ANO6: variants seen among roughly 807,000 people sequenced by gnomAD.
The protein encoded by ANO6 is anoctamin 6.
ANO6 carries 106 observed loss-of-function variants against 117.5 expected under a neutral mutation model. That is an observed-to-expected ratio of 0.90 (90% CI 0.77 to 1.06). The LOEUF (loss-of-function observed/expected upper bound fraction) is 1.06, where lower values mean the gene tolerates loss of function less well. Among genes scored for constraint, ANO6 ranks in the 50% least tolerant of loss-of-function variants. ANO6 has a pLI of 0.00. For synonymous variants in ANO6, 367 were observed against 385.1 expected, an observed-to-expected ratio of 0.95 and a Z score of 0.55; for missense variants, 955 against 1,121.1, an observed-to-expected ratio of 0.85 and a Z score of 2.12.
chr12:45,435,513 C>T (rs572522035), downstream of ANO6, among the ~76,000 whole-genome samples: 39 of 152,246 alleles, frequency 2.6e-4, no homozygotes, highest in African/African-American at 8.4e-4. Flanking sequence ...TGAACCAGAG[C>T]CTGAGGCAAA....
chr12:45,406,967 G>A (rs1233663020), intron 15 of ANO6, among the ~76,000 whole-genome samples: 3 of 152,180 alleles, frequency 2.0e-5, no homozygotes, highest in Admixed American at 2.0e-4. Context: ...AATACACATG[G>A]TAAATTCCTA....
At chr12:45,261,801 A>G (rs1160211689) in intron 1 of ANO6, among the ~76,000 whole-genome samples, 5 of 152,192 alleles carry the variant, frequency 3.3e-5, no homozygotes, top group African/African-American at 1.2e-4. Context: ...GCTGCTTCTC[A>G]GCCTGAGCAA....
intron 1 of ANO6, among the ~76,000 whole-genome samples, chr12:45,258,852 T>A (rs964582632): frequency 2.0e-5 from 3 of 152,178 alleles, no homozygotes; most frequent in Admixed American, 6.5e-5. Context: ...AAATAAAAGA[T>A]TGTTAAGTTA....
intron 1 of ANO6, among the ~76,000 whole-genome samples, chr12:45,274,937 T>G (rs769063950): frequency 6.6e-6 from 1 of 151,098 alleles, no homozygotes; most frequent in Non-Finnish European, 1.5e-5. Flanking sequence ...ATGTCACTGT[T>G]ACTCTGTATC....
At position 45,325,512 on chromosome 12, in the gene ANO6, C is replaced by T. The variant is rs1940430652; in HGVS notation, c.151-5783C>T. 1.3e-5 allele frequency among the ~76,000 whole-genome samples: 2 copies of T among 152,084 alleles called. 1 individual carries two copies. Among genetic ancestry groups the T allele is most frequent in the Admixed American group, 1.3e-4 (2 of 15,236 alleles). On this transcript the variant is annotated intron_variant, in intron 2 of 19. Transcript: ENST00000320560. ...ACCTGTCTTGTTTTATTATATCTAT[C>T]TTTTGTAATGCTTTATTGGGAATAT...
chr12:45,261,790 T>G (rs902399386), intron 1 of ANO6, among the ~76,000 whole-genome samples: 1 of 152,218 alleles, frequency 6.6e-6, no homozygotes, highest in African/African-American at 2.4e-5. Context: ...AACCATCAGT[T>G]GCTGCTTCTC....
chr12:45,421,432 A>AT (rs1388945430), intron 18 of ANO6, among the ~76,000 whole-genome samples, 159 bp downstream of exon 18: 6 of 152,300 alleles, frequency 3.9e-5, no homozygotes, highest in Non-Finnish European at 5.9e-5. Flanking sequence ...TGCTAGAGAC[A>AT]TTTTTTCCCC....
chr12:45,274,235 T>C (rs776634490), intron 1 of ANO6, among the ~76,000 whole-genome samples: 5 of 152,228 alleles, frequency 3.3e-5, no homozygotes, highest in Non-Finnish European at 7.3e-5. Context: ...CACATACTTA[T>C]GTCCACTCCT....
At chr12:45,418,256 C>G (rs1319164761) in intron 17 of ANO6, among the ~76,000 whole-genome samples, 5 of 152,140 alleles carry the variant, frequency 3.3e-5, no homozygotes, top group Non-Finnish European at 7.3e-5. Context: ...CATCCCTACC[C>G]CAGAACCGTA....
In ANO6 at chr12:45,216,187, TG is replaced by T; in HGVS notation, c.-132del. Reference sequence around the variant, plus strand: ...CGGCTCGGCTTTCCCCGGCGCTGGCTGGGCTCAGCGGCCCCTGAGCCCAAGC... The same window carrying T: ...CGGCTCGGCTTTCCCCGGCGCTGGCTGGCTCAGCGGCCCCTGAGCCCAAGC... On this transcript the variant is annotated 5_prime_UTR_variant, in exon 1 of 20. Coordinates refer to ENST00000320560, the MANE Select transcript of ANO6 (RefSeq NM_001025356.3). 1.9e-6 allele frequency: 2 copies of T among 1,026,034 alleles called. No homozygotes were observed. The highest frequency in any genetic ancestry group is 2.9e-6 in the Non-Finnish European group (2 of 687,004). The allele number at this position is 1,026,034 out of a possible 1,614,324, so 63.6% of individuals were successfully genotyped here.
Position 45,401,801 on chromosome 12 carries a change from T to C in ANO6, c.1393T>C (p.Leu465=). The change falls in exon 13 of 20, where the codon TTG becomes CTG. Residue 465 remains leucine (L), a synonymous_variant. Coordinates refer to ENST00000320560, the MANE Select transcript of ANO6 (RefSeq NM_001025356.3). ...GTGTTTGTTGTGCTTTCAGATCCTA[T>C]TGATCATCGCTTCAGTTATTGGGAT... The part of the protein sequence containing the change: ...CASAVFFWIL[L]IIASVIGIIV... 6.2e-7 allele frequency: 1 copy of C among 1,613,578 alleles called. No individual in the cohort carries two copies. Among genetic ancestry groups the C allele is most frequent in the Non-Finnish European group, 8.5e-7 (1 of 1,179,778 alleles).
intron 1 of ANO6, among the ~76,000 whole-genome samples, chr12:45,244,353 C>T (rs1341339251): frequency 6.8e-6 from 1 of 147,406 alleles, no homozygotes; most frequent in Non-Finnish European, 1.5e-5. Context: ...TGTCCCATTA[C>T]CGTTTTTCTT....
intron 12 of ANO6, among the ~76,000 whole-genome samples, chr12:45,398,675 G>A (rs551339699): frequency 6.6e-6 from 1 of 152,066 alleles, no homozygotes; most frequent in South Asian, 2.1e-4. Flanking sequence ...TTCAAACAGT[G>A]GAATGTTGTG....
At chr12:45,253,364 A>G (rs113851685) in intron 1 of ANO6, among the ~76,000 whole-genome samples, 1 of 152,240 alleles carries the variant, frequency 6.6e-6, no homozygotes, top group Non-Finnish European at 1.5e-5. Flanking sequence ...AATAGAATTC[A>G]GAATTCTTAA....
At chr12:45,291,791 T>C (rs961052828) in intron 1 of ANO6, among the ~76,000 whole-genome samples, 23 of 152,198 alleles carry the variant, frequency 1.5e-4, no homozygotes, top group African/African-American at 5.1e-4. Context: ...ATTTTTTTTT[T>C]TAATCAAATA....
chr12:45,339,376 C>A (rs1026279456), intron 3 of ANO6, among the ~76,000 whole-genome samples: 1 of 152,088 alleles, frequency 6.6e-6, no homozygotes, highest in African/African-American at 2.4e-5. Flanking sequence ...TACTGAAAAA[C>A]TTTATTGTAC....
At chr12:45,398,509 A>G (rs961535218) in intron 12 of ANO6, among the ~76,000 whole-genome samples, 3 of 152,198 alleles carry the variant, frequency 2.0e-5, no homozygotes, top group Non-Finnish European at 4.4e-5. Context: ...TTAATCCACT[A>G]ATTTAGCTCT....
At chr12:45,301,696 A>G (rs1438278674) in intron 1 of ANO6, among the ~76,000 whole-genome samples, 2 of 152,092 alleles carry the variant, frequency 1.3e-5, no homozygotes, top group African/African-American at 2.4e-5. Context: ...AAAACAGAAC[A>G]TCAGTAAAGT....
Position 45,348,037 on chromosome 12 carries a change from G to A in ANO6, c.355G>A (p.Asp119Asn), listed in dbSNP as rs1941184288. ...QLEATRSVLD[D>N]KLVFVKVHAP... ...TATTTTTCCAATATAGGTATTGGAT[G>A]ACAAGCTTGTATTTGTAAAAGTACA... Residue 119 changes from aspartate to asparagine, a missense_variant, in exon 5 of 20, where the codon GAC becomes AAC. Coordinates refer to ENST00000320560, the MANE Select transcript of ANO6 (RefSeq NM_001025356.3). 1.2e-6 allele frequency: 2 copies of A among 1,613,568 alleles called. No homozygotes were observed.
Sources: gnomAD v4.1 joint callset for allele counts (sites outside exome capture counted in the v4.1 genomes callset) on GRCh38, gnomAD v4.1.1 for gene constraint, MANE v1.5 for transcripts, NCBI Gene and HGNC (gene_info 2026-07-23, HGNC 2026-07-21) for gene names.